PPARGC1A: variants seen among roughly 807,000 people sequenced by gnomAD.
The protein encoded by PPARGC1A is peroxisome proliferator-activated receptor gamma coactivator 1-alpha.
Under a neutral mutation model 88.7 loss-of-function variants are expected in PPARGC1A, and 25 were observed. The ratio of observed to expected loss-of-function variants is 0.28; its 90% CI spans 0.21 to 0.39. The LOEUF (loss-of-function observed/expected upper bound fraction) is 0.39, where lower values mean the gene tolerates loss of function less well. Among genes scored for constraint, PPARGC1A ranks in the 10% least tolerant of loss-of-function variants. The pLI is 1.00. For synonymous variants in PPARGC1A, 363 were observed against 355.6 expected (o/e 1.02, Z -0.24); for missense variants, 880 against 968.7 (o/e 0.91, Z 1.22).
chr4:24,289,686 G>A, the PPARGC1A span, among the ~76,000 whole-genome samples: 5 of 152,078 alleles, frequency 3.3e-5, no homozygotes, highest in African/African-American at 7.2e-5. Flanking sequence ...GACTGACCAC[G>A]GAACATCATC....
chr4:24,004,971 C>A, the PPARGC1A span, among the ~76,000 whole-genome samples: 2 of 152,112 alleles, frequency 1.3e-5, no homozygotes, highest in East Asian at 3.9e-4. Flanking sequence ...TAACTTACCT[C>A]ATCCCTTTTT....
chr4:24,384,542 C>T, the PPARGC1A span, among the ~76,000 whole-genome samples: 1 of 139,420 alleles, frequency 7.2e-6, no homozygotes, highest in Non-Finnish European at 1.5e-5. Flanking sequence ...GGAATATTTA[C>T]CAAGCAAATG....
the PPARGC1A span, among the ~76,000 whole-genome samples, chr4:24,436,607 T>G: frequency 6.8e-6 from 1 of 146,364 alleles, no homozygotes; most frequent in Non-Finnish European, 1.5e-5. Flanking sequence ...TGACATCGAT[T>G]GGCCACCCCA....
the PPARGC1A span, among the ~76,000 whole-genome samples, chr4:24,317,584 A>C: frequency 8.7e-5 from 12 of 137,888 alleles, no homozygotes; most frequent in South Asian, 2.4e-4. Context: ...AAAAAAAAAA[A>C]AAAAAAAAAA....
the PPARGC1A span, among the ~76,000 whole-genome samples, chr4:24,185,926 A>T: frequency 6.6e-6 from 1 of 152,014 alleles, no homozygotes; most frequent in Non-Finnish European, 1.5e-5. Flanking sequence ...TAAAAGCATT[A>T]TATGTATGAA....
chr4:24,399,565 G>T, the PPARGC1A span, among the ~76,000 whole-genome samples: 6 of 152,160 alleles, frequency 3.9e-5, no homozygotes, highest in Non-Finnish European at 8.8e-5. Context: ...AGGACATTAT[G>T]TGTAAGTCAA....
the PPARGC1A span, among the ~76,000 whole-genome samples, chr4:23,980,523 AC>A: frequency 6.6e-6 from 1 of 152,190 alleles, no homozygotes; most frequent in Admixed American, 6.5e-5. Context: ...TTAGTTGGAA[AC>A]AAAAGTACCC....
upstream of PPARGC1A, among the ~76,000 whole-genome samples, chr4:23,892,441 A>ATTT (rs5856798): frequency 0.069 from 10,361 of 150,334 alleles, 479 homozygotes; most frequent in Non-Finnish European, 0.1. Context: ...TTTCCACGAT[A>ATTT]TTTTTTTTTT....
chr4:24,165,098 A>G, the PPARGC1A span, among the ~76,000 whole-genome samples: 5 of 152,170 alleles, frequency 3.3e-5, no homozygotes, highest in Non-Finnish European at 5.9e-5. Flanking sequence ...GCATTTGAGG[A>G]AAGCGAAATA....
the PPARGC1A span, among the ~76,000 whole-genome samples, chr4:24,154,283 T>C: frequency 4.6e-5 from 7 of 152,186 alleles, no homozygotes; most frequent in Non-Finnish European, 8.8e-5. Flanking sequence ...CCCAAGCCCC[T>C]GTTGGACAGC....
the PPARGC1A span, among the ~76,000 whole-genome samples, chr4:24,064,300 C>A: frequency 6.6e-6 from 1 of 152,140 alleles, no homozygotes; most frequent in Non-Finnish European, 1.5e-5. Context: ...CAAGTGGGTG[C>A]CTGTACACCC....
At chr4:24,290,986 T>G in the PPARGC1A span, among the ~76,000 whole-genome samples, 1 of 152,168 alleles carries the variant, frequency 6.6e-6, no homozygotes, top group African/African-American at 2.4e-5. Context: ...CGATTCTACT[T>G]TCTCCACCCT....
chr4:24,310,493 G>A, the PPARGC1A span, among the ~76,000 whole-genome samples: 289 of 152,280 alleles, frequency 1.9e-3, 3 homozygotes, highest in African/African-American at 6.3e-3. Context: ...AAGAGAGAGA[G>A]AAAAAACTGT....
At chr4:24,418,751 T>G in the PPARGC1A span, among the ~76,000 whole-genome samples, 1 of 152,240 alleles carries the variant, frequency 6.6e-6, no homozygotes. Flanking sequence ...ATTTTCATTA[T>G]GAATCCCATT....
chr4:24,057,724 G>T, the PPARGC1A span, among the ~76,000 whole-genome samples: 29 of 152,226 alleles, frequency 1.9e-4, no homozygotes, highest in South Asian at 4.6e-3. Context: ...ATCCCAGAAT[G>T]CAAAGCAATA....
At chr4:24,188,642 A>G in the PPARGC1A span, among the ~76,000 whole-genome samples, 1 of 152,252 alleles carries the variant, frequency 6.6e-6, no homozygotes, top group South Asian at 2.1e-4. Context: ...GAAACTGAAA[A>G]TAACAAGTGT....
At chr4:24,446,703 TCTC>T in the PPARGC1A span, among the ~76,000 whole-genome samples, 1 of 151,664 alleles carries the variant, frequency 6.6e-6, no homozygotes, top group Non-Finnish European at 1.5e-5. Flanking sequence ...TTCAAGCAAT[TCTC>T]CTGCCTCAGC....
At chr4:24,314,210 A>G in the PPARGC1A span, among the ~76,000 whole-genome samples, 1 of 152,186 alleles carries the variant, frequency 6.6e-6, no homozygotes, top group African/African-American at 2.4e-5. Context: ...CGGACTGAGC[A>G]TTTCACTTTA....
At chr4:24,023,022 C>T in the PPARGC1A span, among the ~76,000 whole-genome samples, 1 of 152,062 alleles carries the variant, frequency 6.6e-6, no homozygotes, top group African/African-American at 2.4e-5. Context: ...ACTTAAAATG[C>T]TAATTAAAAT....
Sources: allele counts gnomAD v4.1 joint callset (sites outside exome capture counted in the v4.1 genomes callset), GRCh38; gene constraint gnomAD v4.1.1; transcripts MANE v1.5; gene names NCBI Gene and HGNC (gene_info 2026-07-23, HGNC 2026-07-21).